The following CRPPA variants were observed in gnomAD, a reference collection of about 807,000 sequenced individuals.
CRPPA encodes the protein CDP-L-ribitol pyrophosphorylase A, also known as D-ribitol-5-phosphate cytidylyltransferase.
CRPPA carries 43 observed loss-of-function variants against 52.0 expected under a neutral mutation model. The ratio of observed to expected loss-of-function variants is 0.83; its 90% CI spans 0.65 to 1.07. The LOEUF (loss-of-function observed/expected upper bound fraction) is 1.07. Ranked by LOEUF, CRPPA falls within the 50% of genes least tolerant of loss-of-function variation. The probability of loss-of-function intolerance (pLI) is 0.00; values close to 1 mark genes in which losing one functional copy is unlikely to be tolerated. For missense variants in CRPPA, 629 were observed against 551.7 expected, an observed-to-expected ratio of 1.14 and a Z score of -1.40; for synonymous variants, 250 against 203.5, an observed-to-expected ratio of 1.23 and a Z score of -1.94.
At chr7:16,261,149 T>G (rs1783784810) in intron 6 of CRPPA, among the ~76,000 whole-genome samples, 1 of 152,082 alleles carries the variant, frequency 6.6e-6, no homozygotes, top group South Asian at 2.1e-4. Flanking sequence ...TACAATAGAA[T>G]AATATGCATG....
At chr7:16,309,761 T>C (rs1250367467) in intron 3 of CRPPA, among the ~76,000 whole-genome samples, 1 of 152,128 alleles carries the variant, frequency 6.6e-6, no homozygotes, top group East Asian at 1.9e-4. Flanking sequence ...TTGCCAAAGC[T>C]ATTTTATTAT....
intron 6 of CRPPA, among the ~76,000 whole-genome samples, chr7:16,274,583 C>T (rs1468196049): frequency 1.3e-5 from 2 of 151,818 alleles, no homozygotes; most frequent in African/African-American, 4.8e-5. Context: ...AATTTATCTC[C>T]AAAAAGGAAG....
chr7:16,289,260 G>A (rs534997610), intron 5 of CRPPA, among the ~76,000 whole-genome samples: 4 of 152,012 alleles, frequency 2.6e-5, no homozygotes, highest in Admixed American at 6.6e-5. Context: ...ATTCACTGTC[G>A]AGCTCTACCA....
chr7:16,240,477 G>A (rs1783073424), intron 8 of CRPPA, among the ~76,000 whole-genome samples: 1 of 151,432 alleles, frequency 6.6e-6, no homozygotes, highest in Admixed American at 6.6e-5. Flanking sequence ...AAAATTGGAA[G>A]AATCCATAGG....
chr7:16,126,178 G>T (rs981836933), intron 9 of CRPPA, among the ~76,000 whole-genome samples: 1 of 151,996 alleles, frequency 6.6e-6, no homozygotes, highest in African/African-American at 2.4e-5. Context: ...TACCAATAAA[G>T]CTATATTCTT....
At chr7:16,318,603 T>C (rs569521330) in intron 3 of CRPPA, among the ~76,000 whole-genome samples, 194 of 152,298 alleles carry the variant, frequency 1.3e-3, no homozygotes, top group Non-Finnish European at 1.6e-3. Context: ...TGCTCCAAGC[T>C]ACAGGGCTGT....
chr7:16,349,658 G>A (rs965226354), intron 3 of CRPPA, among the ~76,000 whole-genome samples: 4 of 151,924 alleles, frequency 2.6e-5, no homozygotes, highest in Non-Finnish European at 4.4e-5. Flanking sequence ...AGACTAGATC[G>A]AGCAGAAGAA....
At chr7:16,155,270 T>A (rs1030964796) in intron 9 of CRPPA, among the ~76,000 whole-genome samples, 1 of 152,166 alleles carries the variant, frequency 6.6e-6, no homozygotes, top group African/African-American at 2.4e-5. Context: ...GGTGCAAAAA[T>A]TTCTGCATAT....
chr7:16,252,092 A>T (rs1483558319), intron 8 of CRPPA, among the ~76,000 whole-genome samples: 1 of 152,074 alleles, frequency 6.6e-6, no homozygotes. Flanking sequence ...CCTGACAGAG[A>T]CTCAACAAAA....
intron 9 of CRPPA, among the ~76,000 whole-genome samples, chr7:16,179,941 T>A (rs550283655): frequency 1.8e-4 from 28 of 152,156 alleles, no homozygotes; most frequent in Non-Finnish European, 5.9e-5. Context: ...CATTTTAACA[T>A]GTATTTAATG....
intron 9 of CRPPA, among the ~76,000 whole-genome samples, chr7:16,175,994 G>T (rs1427215865): frequency 6.6e-6 from 1 of 152,046 alleles, no homozygotes; most frequent in Admixed American, 6.6e-5. Flanking sequence ...CTGGCGAAAA[G>T]CTTCTTATTT....
At chr7:16,242,246 G>C (rs551523688) in intron 8 of CRPPA, among the ~76,000 whole-genome samples, 7 of 151,714 alleles carry the variant, frequency 4.6e-5, no homozygotes, top group African/African-American at 1.7e-4. Context: ...GAGACACCGC[G>C]CCCAGCCAAA....
chr7:16,183,959 TGA>T (rs1781458589), intron 9 of CRPPA, among the ~76,000 whole-genome samples: 1 of 152,144 alleles, frequency 6.6e-6, no homozygotes, highest in African/African-American at 2.4e-5. Flanking sequence ...TGTTTGTTTT[TGA>T]GACAGAGTTT....
rs532780678 is a variant in CRPPA, at chr7:16,409,551, A to G, written c.258-3214T>C. Among the ~76,000 whole-genome samples the G allele has an allele frequency of 3.3e-5, 5 of 152,334 alleles. No individual in the cohort carries two copies. The South Asian group carries it at 1.0e-3, about 32-fold the overall frequency. ...AGCTTGTATATGGCGTTTTAGAGATAGTCTATTCTAGAAGTAATCATCTAC... is the reference window on the plus strand; with the variant it reads ...AGCTTGTATATGGCGTTTTAGAGATGGTCTATTCTAGAAGTAATCATCTAC... On this transcript the variant is annotated intron_variant, in intron 1 of 9. Transcript: ENST00000407010.
At chr7:16,278,295 A>G in intron 5 of CRPPA, 69 bp from the exon 6 acceptor site, 2 of 759,636 alleles carry the variant, frequency 2.6e-6, no homozygotes, top group Non-Finnish European at 4.3e-6. Context: ...ATGCTGAAAC[A>G]TAAACTTACC....
Position 16,417,961 on chromosome 7 carries a change from A to G in CRPPA, c.257+3105T>C, listed in dbSNP as rs77681335. On this transcript the variant is annotated intron_variant, in intron 1 of 9. Transcript: ENST00000407010. Reference sequence around the variant, plus strand: ...TCTTTAATAAGCAAAAAGCATGCGTAATTTCTCAACAGAGCAAAAAAGTAG... The same window carrying G: ...TCTTTAATAAGCAAAAAGCATGCGTGATTTCTCAACAGAGCAAAAAAGTAG... Among the ~76,000 whole-genome samples, 745 of 152,306 alleles carry G rather than the reference A, an allele frequency of 4.9e-3. 27 individuals are homozygous for G. The East Asian group carries it at 0.11, about 23-fold the overall frequency.
intron 9 of CRPPA, among the ~76,000 whole-genome samples, chr7:16,092,966 C>T (rs2128361414): frequency 6.6e-6 from 1 of 152,282 alleles, no homozygotes; most frequent in African/African-American, 2.4e-5. Flanking sequence ...CCCTTTCTAG[C>T]TTAGCTGACC....
chr7:16,247,678 G>T (rs1024005106), intron 8 of CRPPA, among the ~76,000 whole-genome samples: 1 of 152,078 alleles, frequency 6.6e-6, no homozygotes, highest in Non-Finnish European at 1.5e-5. Flanking sequence ...CCAGACACAG[G>T]GTTGCCAAAA....
At chr7:16,248,199 T>A (rs1783333287) in intron 8 of CRPPA, 1 of 151,812 alleles carries the variant, frequency 6.6e-6, no homozygotes, top group Non-Finnish European at 1.5e-5. Context: ...ATTAGCCAAA[T>A]GTGGCGGCAT....
Sources: allele counts gnomAD v4.1 joint callset (sites outside exome capture counted in the v4.1 genomes callset), GRCh38; gene constraint gnomAD v4.1.1; transcripts MANE v1.5; gene names NCBI Gene and HGNC (gene_info 2026-07-23, HGNC 2026-07-21).